Variants in CCDC167 observed in about 807,000 individuals in gnomAD.
CCDC167 encodes coiled-coil domain-containing protein 167.
A neutral mutation model predicts 12.7 loss-of-function variants in CCDC167; 15 were observed. That is an observed-to-expected ratio of 1.18 (90% CI 0.79 to 1.81). The LOEUF (loss-of-function observed/expected upper bound fraction) is 1.81. Ranked by LOEUF, CCDC167 falls within the 40% of genes most tolerant of loss-of-function variation. The pLI is 0.00. For missense variants in CCDC167, 121 were observed against 120.1 expected (o/e 1.01, Z -0.03); for synonymous variants, 52 against 49.0 (o/e 1.06, Z -0.26).
At chr6:37,484,984 G>C in intron 2 of CCDC167, 116 bp downstream of exon 2, 3 of 1,447,194 alleles carry the variant, frequency 2.1e-6, no homozygotes, top group Non-Finnish European at 2.9e-6. Flanking sequence ...GTGCACTGAA[G>C]CTAAGATGTC....
In CCDC167 at chr6:37,484,712, C is replaced by T. The variant is rs866131981; in HGVS notation, c.190+98G>A. On this transcript the variant is annotated intron_variant, in intron 3 of 3. Transcript: ENST00000373408. Reference sequence around the variant, plus strand: ...GGCTGGTTCCCTCCCAAAGAACCCCCTTGCTCCCTGCTGCCTTGTCAGGCC... The same window carrying T: ...GGCTGGTTCCCTCCCAAAGAACCCCTTTGCTCCCTGCTGCCTTGTCAGGCC... 5 of 1,423,534 alleles carry T rather than the reference C, an allele frequency of 3.5e-6. 1 individual carries two copies. The Middle Eastern group carries it at 7.5e-4, about 215-fold the overall frequency. 88.2% of individuals were successfully genotyped at this position (1,423,534 alleles called of 1,614,324 possible).
chr6:37,489,257 A>AAAT (rs368831052), intron 1 of CCDC167, among the ~76,000 whole-genome samples: 1 of 144,978 alleles, frequency 6.9e-6, no homozygotes, highest in Non-Finnish European at 1.5e-5. Flanking sequence ...AACAAACAAA[A>AAAT]AAAAACAGCA....
intron 1 of CCDC167, among the ~76,000 whole-genome samples, chr6:37,494,723 G>A (rs1486453125): frequency 6.6e-6 from 1 of 151,994 alleles, no homozygotes; most frequent in African/African-American, 2.4e-5. Flanking sequence ...GTGACCATGA[G>A]GAAACAGTGA....
chr6:37,486,845 G>A (rs561847739), intron 1 of CCDC167, among the ~76,000 whole-genome samples: 1 of 152,114 alleles, frequency 6.6e-6, no homozygotes, highest in East Asian at 1.9e-4. Flanking sequence ...CAGTGCCTCA[G>A]GCCACCATGT....
At chr6:37,485,326 C>T (rs1561797473) in intron 1 of CCDC167, 132 bp from the exon 2 acceptor site, 4 of 665,584 alleles carry the variant, frequency 6.0e-6, no homozygotes, top group Non-Finnish European at 1.1e-5. Context: ...GGCAGGGCAC[C>T]CAGGCCTGTC....
intron 1 of CCDC167, among the ~76,000 whole-genome samples, chr6:37,493,078 A>C (rs1762044523): frequency 6.6e-6 from 1 of 152,126 alleles, no homozygotes; most frequent in Admixed American, 6.5e-5. Context: ...CCCAGTTTTT[A>C]ATCAATGAAC....
rs373352221 is a variant in CCDC167 at position 37,499,831 on chromosome 6, G to T, written c.33C>A (p.Val11=). The change falls in exon 1 of 4, where the codon GTC becomes GTA. Residue 11 remains valine, a synonymous_variant. Transcript: ENST00000373408. MTKKKRENLG[V]ALEIDGLEEK... is the part of the protein sequence containing the mutation. Reference sequence around the variant, plus strand: ...CCACTTTTCCCCTCACCTCTAGAGCGACGCCCAGATTCTCCCGCTTCTTTT... The same window carrying T: ...CCACTTTTCCCCTCACCTCTAGAGCTACGCCCAGATTCTCCCGCTTCTTTT... 1.9e-6 allele frequency: 3 copies of T among 1,614,096 alleles called. No individual in the cohort carries two copies. The highest frequency in any genetic ancestry group is 1.7e-5 in the Admixed American group (1 of 60,018).
chr6:37,483,367 G>T (rs557713753), intron 3 of CCDC167, 78 bp from the exon 4 acceptor site: 13 of 937,774 alleles, frequency 1.4e-5, no homozygotes, highest in Non-Finnish European at 2.3e-5. Context: ...CAACGAGTGG[G>T]TACACACTGC....
At chr6:37,490,507 G>GC (rs1227737034) in intron 1 of CCDC167, among the ~76,000 whole-genome samples, 1 of 152,176 alleles carries the variant, frequency 6.6e-6, no homozygotes, top group East Asian at 1.9e-4. Context: ...TAACAGAAAA[G>GC]CCCCGTAGTG....
At position 37,495,113 on chromosome 6, in the gene CCDC167, A is replaced by G. The variant is rs137958813; in HGVS notation, c.42+4709T>C. ...CTGCACCTGGCCCCTACAAATTTCTATAAGGGGAAAAGTCTACTCCCATTT... is the reference window on the plus strand; with the variant it reads ...CTGCACCTGGCCCCTACAAATTTCTGTAAGGGGAAAAGTCTACTCCCATTT... On this transcript the variant is annotated intron_variant, in intron 1 of 3. Coordinates refer to ENST00000373408, the MANE Select transcript of CCDC167 (RefSeq NM_138493.3). Among the ~76,000 whole-genome samples the G allele has an allele frequency of 1.8e-4, 27 of 152,208 alleles. No homozygotes were observed. In the East Asian group the frequency reaches 5.2e-3, roughly 29 times the overall value.
At chr6:37,490,278 G>A (rs2113906996) in intron 1 of CCDC167, among the ~76,000 whole-genome samples, 1 of 152,328 alleles carries the variant, frequency 6.6e-6, no homozygotes, top group South Asian at 2.1e-4. Flanking sequence ...GGGAAAGTCT[G>A]TTCTTTACCC....
chr6:37,484,017 G>T (rs1169019559), intron 3 of CCDC167, among the ~76,000 whole-genome samples: 1 of 152,226 alleles, frequency 6.6e-6, no homozygotes, highest in Non-Finnish European at 1.5e-5. Flanking sequence ...GTCTGTGCTG[G>T]GCAGTGGGAA....
chr6:37,485,049 G>C (rs1459222177), intron 2 of CCDC167, 51 bp downstream of exon 2: 7 of 1,534,420 alleles, frequency 4.6e-6, no homozygotes, highest in Non-Finnish European at 6.3e-6. Context: ...GATAGATACA[G>C]GGGGTGGGGG....
chr6:37,493,495 T>C (rs1762048753), intron 1 of CCDC167, among the ~76,000 whole-genome samples: 1 of 152,270 alleles, frequency 6.6e-6, no homozygotes. Context: ...AATGAGGTTT[T>C]AGTCTCCTGA....
chr6:37,483,309 T>C lies in CCDC167; in HGVS notation c.191-20A>G, dbSNP rs1221250206. 13 of 1,570,414 alleles carry C rather than the reference T, an allele frequency of 8.3e-6. No individual in the cohort carries two copies. Among genetic ancestry groups the C allele is most frequent in the Non-Finnish European group, 1.1e-5 (13 of 1,140,552 alleles). On this transcript the variant is annotated intron_variant, in intron 3 of 3. Transcript: ENST00000373408. ...CCTTCTCTGGGAGGAAAGAGGGTGA[T>C]AGGGATAGGACAGGCAGTTTAGGCC...
In CCDC167 at chr6:37,484,964, C is replaced by G. The variant is rs1761922378; in HGVS notation, c.138-102G>C. ...GCAGGGCTTGGGTCTTGTTCGGCGGCAGGGGGGGTGTGCACTGAAGCTAAG... is the reference window on the plus strand; with the variant it reads ...GCAGGGCTTGGGTCTTGTTCGGCGGGAGGGGGGGTGTGCACTGAAGCTAAG... On this transcript the variant is annotated intron_variant, in intron 2 of 3. Transcript: ENST00000373408. 14 of 1,499,310 alleles carry G rather than the reference C, an allele frequency of 9.3e-6. 1 individual carries two copies. The highest frequency in any genetic ancestry group is 2.1e-4 in the Middle Eastern group (1 of 4,652). 92.9% of individuals were successfully genotyped at this position (1,499,310 alleles called of 1,614,324 possible). A position where few individuals can be genotyped will look rare whatever the true frequency, so the allele number is the denominator to read the frequency against.
At position 37,483,412 on chromosome 6, in the gene CCDC167, TA is replaced by T. The variant is rs1761897218; in HGVS notation, c.191-124del. On this transcript the variant is annotated intron_variant, in intron 3 of 3. Transcript: ENST00000373408. ...AGACGCACCCTTCCAGCCACCTCCT[TA>T]CCCATAAAAATGACTCTGCCCTTCT... The T allele has an allele frequency of 6.0e-6, 4 of 664,250 alleles. No individual in the cohort carries two copies. In the Admixed American group the frequency reaches 8.8e-5, roughly 15 times the overall value. The allele number at this position is 664,250 out of a possible 1,614,324, so 41.1% of individuals were successfully genotyped here. A position where few individuals can be genotyped will look rare whatever the true frequency, so the allele number is the denominator to read the frequency against.
Position 37,498,991 on chromosome 6 carries a change from AC to A in CCDC167, c.42+830del, listed in dbSNP as rs371765351. Among the ~76,000 whole-genome samples, 371 of 152,216 alleles carry A rather than the reference AC, an allele frequency of 2.4e-3. 2 individuals are homozygous for A. The highest frequency in any genetic ancestry group is 8.4e-3 in the African/African-American group (350 of 41,528). The stretch of plus-strand genomic sequence containing the variant: ...ACTAGTAAGCCTGAAGAAGACTATG[AC>A]CCTGTACCTCTCCTGCAACCTCCGG... On this transcript the variant is annotated intron_variant, in intron 1 of 3. Coordinates refer to ENST00000373408, the MANE Select transcript of CCDC167 (RefSeq NM_138493.3).
At chr6:37,495,055 C>T (rs1192878155) in intron 1 of CCDC167, among the ~76,000 whole-genome samples, 1 of 152,192 alleles carries the variant, frequency 6.6e-6, no homozygotes, top group African/African-American at 2.4e-5. Flanking sequence ...CTGCCTCAGC[C>T]TCCCAAAATA....
Sources: gnomAD v4.1 joint callset for allele counts (sites outside exome capture counted in the v4.1 genomes callset) on GRCh38, gnomAD v4.1.1 for gene constraint, MANE v1.5 for transcripts, NCBI Gene and HGNC (gene_info 2026-07-23, HGNC 2026-07-21) for gene names.